Variants in UGT1A3 observed in about 807,000 individuals in gnomAD.
UGT1A3 encodes UDP glucuronosyltransferase family 1 member A3, also known as UDP-glucuronosyltransferase 1A3.
A neutral mutation model predicts 41.0 loss-of-function variants in UGT1A3; 31 were observed. That is an observed-to-expected ratio of 0.76 (90% confidence interval 0.57 to 1.02). The LOEUF (loss-of-function observed/expected upper bound fraction) is 1.02, where lower values mean the gene tolerates loss of function less well. Among genes scored for constraint, UGT1A3 ranks in the 50% least tolerant of loss-of-function variants. The pLI is 0.00. For synonymous variants in UGT1A3, 262 were observed against 257.6 expected (o/e 1.02, Z -0.17); for missense variants, 737 against 671.0 (o/e 1.10, Z -1.09).
Position 233,760,610 on chromosome 2 carries a change from G to A in UGT1A3, c.868-6424G>A. 5 of 1,614,182 alleles carry A rather than the reference G, an allele frequency of 3.1e-6. No homozygotes were observed. Among genetic ancestry groups the A allele is most frequent in the Non-Finnish European group, 3.4e-6 (4 of 1,180,034 alleles). The stretch of plus-strand genomic sequence containing the variant: ...TTTGAGAATGATTCTTTCCTGCAGC[G>A]TGTGATCAAAACATACAAGAAAATA... On this transcript the variant is annotated intron_variant, in intron 1 of 4. Coordinates refer to ENST00000482026, the MANE Select transcript of UGT1A3 (RefSeq NM_019093.4).
rs747061628 is a variant in UGT1A3, at chr2:233,729,363, C to A, written c.237C>A (p.Thr79=). The part of the protein sequence containing the change: ...IKEENFFTLT[T]YAISWTQDEF... ...AAGAGAACTTTTTCACCCTGACAAC[C>A]TATGCCATTTCGTGGACCCAGGATG... is the stretch of plus-strand genomic sequence containing the variant. Residue 79 remains threonine (T), a synonymous_variant, in exon 1 of 5, where the codon ACC becomes ACA. Coordinates refer to ENST00000482026, the MANE Select transcript of UGT1A3 (RefSeq NM_019093.4). The A allele has an allele frequency of 6.2e-7, 1 of 1,614,038 alleles. No individual in the cohort carries two copies. The highest frequency in any genetic ancestry group is 1.7e-5 in the Admixed American group (1 of 60,012).
chr2:233,769,914 G>A lies in UGT1A3; in HGVS notation c.1307+1475G>A, dbSNP rs530436161. ...AACCTGAGCATCATGTGCCCAGAGCGTTGGGTGGTGTGGTCCCATTCCTTC... is the reference window on the plus strand; with the variant it reads ...AACCTGAGCATCATGTGCCCAGAGCATTGGGTGGTGTGGTCCCATTCCTTC... On this transcript the variant is annotated intron_variant, in intron 4 of 4. Coordinates refer to ENST00000482026, the MANE Select transcript of UGT1A3 (RefSeq NM_019093.4). The surrounding 1 kb of genome is among the most constrained non-coding windows in gnomAD (Gnocchi z 4.4). The A allele has an allele frequency of 6.5e-5, 19 of 292,140 alleles. No homozygotes were observed. The highest frequency in any genetic ancestry group is 1.0e-3 in the Middle Eastern group (1 of 988). 18.1% of individuals were successfully genotyped at this position (292,140 alleles called of 1,614,324 possible).
At chr2:233,764,935 G>T (rs1212843122) in intron 1 of UGT1A3, among the ~76,000 whole-genome samples, 1 of 152,204 alleles carries the variant, frequency 6.6e-6, no homozygotes, top group Non-Finnish European at 1.5e-5. Context: ...GGGCTGGTGA[G>T]AGTGGCGGGG....
intron 1 of UGT1A3, among the ~76,000 whole-genome samples, chr2:233,737,833 T>A (rs1346055905): frequency 6.6e-6 from 1 of 152,174 alleles, no homozygotes; most frequent in African/African-American, 2.4e-5. Flanking sequence ...AATTGGGAAC[T>A]GTGGCACAGG....
At chr2:233,757,535 A>AATATATATACATATACATACATATAT (rs376887521) in intron 1 of UGT1A3, among the ~76,000 whole-genome samples, 2 of 88,310 alleles carry the variant, frequency 2.3e-5, no homozygotes, top group African/African-American at 1.0e-4. Flanking sequence ...GCCTGTAAGG[A>AATATATATACATATACATACATATAT]ATATATATAT....
intron 2 of UGT1A3, among the ~76,000 whole-genome samples, chr2:233,767,483 G>A (rs1215340946): frequency 1.3e-5 from 2 of 152,158 alleles, no homozygotes; most frequent in Admixed American, 6.5e-5. Context: ...TTAAATAGAA[G>A]TATTTCTCCA....
Position 233,754,852 on chromosome 2 carries a change from G to C in UGT1A3, c.868-12182G>C, listed in dbSNP as rs193246215. The C allele has an allele frequency of 1.8e-5, 24 of 1,345,428 alleles. No homozygotes were observed. In the Middle Eastern group the frequency reaches 8.4e-4, roughly 47 times the overall value. The allele number at this position is 1,345,428 out of a possible 1,614,324, so 83.3% of individuals were successfully genotyped here. ...GGAAATTCACTGAAGGCAGAGAAAA[G>C]GGGTGCAGACCCTCTGCTTCTGCTT... On this transcript the variant is annotated intron_variant, in intron 1 of 4. Coordinates refer to ENST00000482026, the MANE Select transcript of UGT1A3 (RefSeq NM_019093.4).
chr2:233,753,244 G>A (rs1445000409), intron 1 of UGT1A3: 1 of 152,136 alleles, frequency 6.6e-6, no homozygotes, highest in Non-Finnish European at 1.5e-5. Flanking sequence ...TATTATTTAA[G>A]AAGCAACTAC....
intron 1 of UGT1A3, among the ~76,000 whole-genome samples, chr2:233,733,535 T>G (rs1019669539): frequency 5.4e-4 from 82 of 152,358 alleles, no homozygotes; most frequent in Non-Finnish European, 5.9e-5. Flanking sequence ...TTAATTTTGT[T>G]GAAGGCCTTT....
chr2:233,769,434 T>A lies in UGT1A3; in HGVS notation c.1307+995T>A. ...GCGTTTGTGCATGTGGCTGTGCTCA[T>A]GTGTGGGTGCACACGTGTGCATTCA... is the stretch of plus-strand genomic sequence containing the variant. On this transcript the variant is annotated intron_variant, in intron 4 of 4. Coordinates refer to ENST00000482026, the MANE Select transcript of UGT1A3 (RefSeq NM_019093.4). The surrounding 1 kb of genome is among the most constrained non-coding windows in gnomAD (Gnocchi z 4.4). 1 of 1,542,192 alleles carries A rather than the reference T, an allele frequency of 6.5e-7. No individual in the cohort carries two copies.
chr2:233,755,009 G>A (rs1198421851), intron 1 of UGT1A3: 5 of 1,292,374 alleles, frequency 3.9e-6, no homozygotes, highest in East Asian at 4.6e-5. Context: ...AGACCTACTC[G>A]AAGGGGTCCT....
intron 1 of UGT1A3, among the ~76,000 whole-genome samples, chr2:233,756,691 G>C (rs1044916114): frequency 6.6e-6 from 1 of 152,108 alleles, no homozygotes; most frequent in Non-Finnish European, 1.5e-5. Flanking sequence ...ATATAATGAC[G>C]ATGAATTTTG....
chr2:233,755,126 C>T, intron 1 of UGT1A3: 1 of 1,323,304 alleles, frequency 7.6e-7, no homozygotes, highest in Non-Finnish European at 1.0e-6. Flanking sequence ...CCTCAGCCAC[C>T]TGCTTGAATC....
chr2:233,754,718 T>C (rs548415116), intron 1 of UGT1A3: 30 of 561,924 alleles, frequency 5.3e-5, no homozygotes, highest in African/African-American at 4.6e-4. Flanking sequence ...TGAAGCTGCC[T>C]GTCCCATCAC....
At chr2:233,730,669 A>T (rs1310479965) in intron 1 of UGT1A3, among the ~76,000 whole-genome samples, 1 of 152,122 alleles carries the variant, frequency 6.6e-6, no homozygotes, top group African/African-American at 2.4e-5. Flanking sequence ...CGGAAGGCAA[A>T]GTAATGGTTG....
Position 233,729,857 on chromosome 2 carries a change from C to T in UGT1A3, c.731C>T (p.Ser244Leu). 6.2e-7 allele frequency: 1 copy of T among 1,613,876 alleles called. No individual in the cohort carries two copies. Among genetic ancestry groups the T allele is most frequent in the Non-Finnish European group, 8.5e-7 (1 of 1,179,848 alleles). The change falls in exon 1 of 5, where the codon TCA becomes TTA. Residue 244 changes from serine to leucine, a missense_variant. Ser to Leu is a moderately radical substitution (Grantham distance 145, BLOSUM62 -2). Transcript: ENST00000482026. ...LASELFQREV[S>L]VVDILSHASV... ...TCTGAGCTTTTTCAGAGAGAGGTGT[C>T]AGTGGTGGATATTCTCAGTCATGCA...
At chr2:233,765,711 T>TTAATAATAATAA (rs10664358) in intron 1 of UGT1A3, among the ~76,000 whole-genome samples, 10 of 149,240 alleles carry the variant, frequency 6.7e-5, no homozygotes, top group East Asian at 2.0e-4. Flanking sequence ...ATAATAATAA[T>TTAATAATAATAA]TAATAATAAT....
rs780660931 is a variant in UGT1A3, at chr2:233,767,955, A to C, written c.1087+19A>C. 173 of 1,614,006 alleles carry C rather than the reference A, an allele frequency of 1.1e-4. 2 individuals carry two copies. In the South Asian group the frequency reaches 1.6e-3, roughly 15 times the overall value. ...CTGCTTGGTATGTTGGGCGGATTGG[A>C]TGTATAGGTCAAACCAGGGTCAAAT... On this transcript the variant is annotated intron_variant, in intron 3 of 4. Coordinates refer to ENST00000482026, the MANE Select transcript of UGT1A3 (RefSeq NM_019093.4).
Position 233,772,832 on chromosome 2 carries a change from C to CACACAAGAAAGCCAGCAAGG in UGT1A3, c.*273_*274insACACAAGAAAGCCAGCAAGG. On this transcript the variant is annotated 3_prime_UTR_variant, in exon 5 of 5. Coordinates refer to ENST00000482026, the MANE Select transcript of UGT1A3 (RefSeq NM_019093.4). ...GAGGACGTGCAGACAGGCTGGCATT[C>CACACAAGAAAGCCAGCAAGG]TAGATTACTTTTCTTACTCTGAAAC... is the stretch of plus-strand genomic sequence containing the variant. 1 of 899,520 alleles carries CACACAAGAAAGCCAGCAAGG rather than the reference C, an allele frequency of 1.1e-6. No individual in the cohort carries two copies. The highest frequency in any genetic ancestry group is 1.5e-6 in the Non-Finnish European group (1 of 646,890). The allele number at this position is 899,520 out of a possible 1,614,324, so 55.7% of individuals were successfully genotyped here. A position where few individuals can be genotyped will look rare whatever the true frequency, so the allele number is the denominator to read the frequency against.
Sources: allele counts gnomAD v4.1 joint callset (sites outside exome capture counted in the v4.1 genomes callset), GRCh38; gene constraint gnomAD v4.1.1; non-coding constraint Gnocchi (gnomAD v3.1); transcripts MANE v1.5; gene names NCBI Gene and HGNC (gene_info 2026-07-23, HGNC 2026-07-21).